PPFIA4: variants seen among roughly 807,000 people sequenced by gnomAD.
PPFIA4 encodes liprin-alpha-4.
Under a neutral mutation model 145.7 loss-of-function variants are expected in PPFIA4, and 98 were observed. The observed-to-expected ratio is 0.67, with a 90% CI of 0.57 to 0.80. The LOEUF is 0.80. PPFIA4 is among the 30% of genes least tolerant of loss of function. The pLI is 0.00. For missense variants in PPFIA4, 1,457 were observed against 1,632.7 expected (o/e 0.89, Z 1.85); for synonymous variants, 628 against 649.6 (o/e 0.97, Z 0.51).
chr1:203,051,732 C>G (rs1397607751), intron 13 of PPFIA4, 37 bp from the exon 14 acceptor site: 1 of 1,579,006 alleles, frequency 6.3e-7, no homozygotes, highest in East Asian at 2.3e-5. Context: ...TCTCAGTCCT[C>G]AGGGCCTGTC....
At chr1:203,034,104 A>G (rs745900358) in intron 1 of PPFIA4, among the ~76,000 whole-genome samples, 15 of 152,220 alleles carry the variant, frequency 9.9e-5, no homozygotes, top group Non-Finnish European at 1.5e-4. Flanking sequence ...AGGTATAACT[A>G]GAGGGCAATG....
At chr1:203,059,358 A>G in intron 20 of PPFIA4, 87 bp downstream of exon 20, 1 of 1,169,578 alleles carries the variant, frequency 8.6e-7, no homozygotes. Context: ...AACTGAGCTC[A>G]GAGACCCAGA....
chr1:203,076,080 A>C, intron 29 of PPFIA4: 1 of 591,406 alleles, frequency 1.7e-6, no homozygotes, highest in Non-Finnish European at 3.0e-6. Flanking sequence ...GCTCGGGGTA[A>C]GTGGGCCAGG....
intron 1 of PPFIA4, chr1:203,034,766 A>G (rs756520284): frequency 3.5e-5 from 16 of 454,152 alleles, no homozygotes; most frequent in Non-Finnish European, 2.2e-5. Context: ...TCCGGCTGCC[A>G]TCACCCTGAT....
At chr1:203,061,797 G>A (rs1448172801) in intron 24 of PPFIA4, 119 bp downstream of exon 24, 9 of 1,082,062 alleles carry the variant, frequency 8.3e-6, no homozygotes, top group East Asian at 3.0e-5. Flanking sequence ...CTGGACATAG[G>A]TTCTCTGCTC....
chr1:203,071,323 C>T (rs546029261), intron 27 of PPFIA4, among the ~76,000 whole-genome samples: 1 of 151,416 alleles, frequency 6.6e-6, no homozygotes, highest in Non-Finnish European at 1.5e-5. Context: ...GCGCCTGCCA[C>T]ACCATGCCTG....
chr1:203,052,045 G>GCCCC (rs3215063), intron 14 of PPFIA4, among the ~76,000 whole-genome samples, 168 bp downstream of exon 14: 3,719 of 102,484 alleles, frequency 0.036, 446 homozygotes, highest in South Asian at 0.054. Context: ...CAACAGCTGT[G>GCCCC]CCCCCCCCCC....
In PPFIA4 at chr1:203,048,833, G is replaced by A; in HGVS notation, c.1357-85G>A. On this transcript the variant is annotated intron_variant, in intron 11 of 29. Coordinates refer to ENST00000295706, the MANE Select transcript of PPFIA4 (RefSeq NM_001304331.2). The surrounding 1 kb of genome is among the most constrained non-coding windows in gnomAD (Gnocchi z 5.8). ...TGGGGTGGGTGGCCAGCCTGGAGAG[G>A]TGGGGCTGAGACTGCACACCCAGAG... 6.5e-7 allele frequency: 1 copy of A among 1,532,524 alleles called. No individual in the cohort carries two copies. Among genetic ancestry groups the A allele is most frequent in the East Asian group, 2.4e-5 (1 of 40,888 alleles). The allele number at this position is 1,532,524 out of a possible 1,614,324, so 94.9% of individuals were successfully genotyped here.
chr1:203,067,585 G>T (rs938793491), intron 25 of PPFIA4, 110 bp from the exon 26 acceptor site: 2 of 897,494 alleles, frequency 2.2e-6, no homozygotes, highest in Non-Finnish European at 3.6e-6. Flanking sequence ...GGTGCTCTTT[G>T]TGCTGGAGGC....
chr1:203,048,546 G>T lies in PPFIA4; in HGVS notation c.1225-37G>T. On this transcript the variant is annotated intron_variant, in intron 10 of 29. Coordinates refer to ENST00000295706, the MANE Select transcript of PPFIA4 (RefSeq NM_001304331.2). This position sits in a 1 kb window ranked among gnomAD's most constrained non-coding sequence, Gnocchi z 5.8. ...CCAGCAGGAGAGGGTGGTCCTCCCT[G>T]GGAGGGCGGCCTGGTGCGAGGCAGA... 1 of 1,557,734 alleles carries T rather than the reference G, an allele frequency of 6.4e-7. No homozygotes were observed. Among genetic ancestry groups the T allele is most frequent in the South Asian group, 1.2e-5 (1 of 84,500 alleles).
rs1259038432 is a variant in PPFIA4 at position 203,067,767 on chromosome 1, A to C, written c.3123A>C (p.Arg1041=). The C allele has an allele frequency of 6.2e-7, 1 of 1,613,714 alleles. No individual in the cohort carries two copies. Among genetic ancestry groups the C allele is most frequent in the Admixed American group, 1.7e-5 (1 of 60,016 alleles). Reference sequence around the variant, plus strand: ...ACCGGAAGGAGCTGGAGAAGAGGCGAGAGGAGAGCCAGCATGAGATCAAGG... The same window carrying C: ...ACCGGAAGGAGCTGGAGAAGAGGCGCGAGGAGAGCCAGCATGAGATCAAGG... ...NYDRKELEKR[R]EESQHEIKDV... The change falls in exon 26 of 30, where the codon CGA becomes CGC. Residue 1041 remains arginine (R), a synonymous_variant. Coordinates refer to ENST00000295706, the MANE Select transcript of PPFIA4 (RefSeq NM_001304331.2).
chr1:203,075,909 G>A lies in PPFIA4; in HGVS notation c.3574+152G>A. On this transcript the variant is annotated intron_variant, in intron 29 of 29. Transcript: ENST00000295706. This position sits in a 1 kb window ranked among gnomAD's most constrained non-coding sequence, Gnocchi z 4.1. The stretch of plus-strand genomic sequence containing the variant: ...GCTGCACTAACGCTCCGCGGGGAGC[G>A]TGTGTGCGCACTAACCCGCCGCTCT... 1 of 824,744 alleles carries A rather than the reference G, an allele frequency of 1.2e-6. No individual in the cohort carries two copies. The highest frequency in any genetic ancestry group is 1.7e-6 in the Non-Finnish European group (1 of 584,688). 51.1% of individuals were successfully genotyped at this position (824,744 alleles called of 1,614,324 possible). A position where few individuals can be genotyped will look rare whatever the true frequency, so the allele number is the denominator to read the frequency against.
intron 1 of PPFIA4, among the ~76,000 whole-genome samples, chr1:203,031,945 CAGTT>C (rs1327620748): frequency 3.3e-5 from 5 of 151,890 alleles, no homozygotes; most frequent in East Asian, 1.9e-4. Context: ...CTCTATTAGA[CAGTT>C]AGAGTGTGGA....
intron 2 of PPFIA4, 40 bp downstream of exon 2, chr1:203,039,282 C>T (rs1659533448): frequency 3.4e-6 from 5 of 1,453,336 alleles, no homozygotes; most frequent in Non-Finnish European, 4.6e-6. Flanking sequence ...ACCCCTTTCC[C>T]TCCTCTAGCC....
intron 15 of PPFIA4, 150 bp downstream of exon 15, chr1:203,054,111 T>A (rs866704974): frequency 1.1e-6 from 1 of 877,436 alleles, no homozygotes; most frequent in South Asian, 1.4e-5. Flanking sequence ...TCAGGCCCGC[T>A]GCCAGTGCCG....
intron 1 of PPFIA4, chr1:203,034,742 G>A (rs782800): frequency 0.56 from 254,896 of 455,828 alleles, 72,694 homozygotes; most frequent in Non-Finnish European, 0.6. Context: ...AGGGAAGGCC[G>A]AGGGGAGCTG....
chr1:203,053,261 G>C (rs1262587579), intron 14 of PPFIA4, among the ~76,000 whole-genome samples: 3 of 152,142 alleles, frequency 2.0e-5, no homozygotes, highest in East Asian at 1.9e-4. Context: ...AGCCGGGCAC[G>C]GTGGCTCACG....
rs1262790653 is a variant in PPFIA4 at position 203,045,934 on chromosome 1, C to T, written c.952C>T (p.Leu318Phe). 4 of 1,612,824 alleles carry T rather than the reference C, an allele frequency of 2.5e-6. No homozygotes were observed. The highest frequency in any genetic ancestry group is 1.1e-5 in the South Asian group (1 of 91,078). ...AQREATSIHD[L>F]NDKLENELAN... ...GCGTGAGGCAACATCCATCCATGAC[C>T]TCAATGACAAGCTGGAGAATGAGCT... Residue 318 changes from leucine (L) to phenylalanine (F), a missense_variant, in exon 8 of 30, where the codon CTC becomes TTC. Leu to Phe is a conservative substitution (Grantham distance 22). This residue lies in a region of PPFIA4 where 463 missense variants were observed against 459.8 expected (regional missense o/e 1.01). Transcript: ENST00000295706.
At position 203,044,179 on chromosome 1, in the gene PPFIA4, C is replaced by T. The variant is rs752190782; in HGVS notation, c.501+84C>T. Reference sequence around the variant, plus strand: ...ATCCCTTCTCTGAGATTTCCACATCCGGTATTTAGGGAGCACTGGCTCCCT... The same window carrying T: ...ATCCCTTCTCTGAGATTTCCACATCTGGTATTTAGGGAGCACTGGCTCCCT... On this transcript the variant is annotated intron_variant, in intron 4 of 29. Transcript: ENST00000295706. 4.3e-5 allele frequency: 61 copies of T among 1,427,952 alleles called. No individual in the cohort carries two copies. In the African/African-American group the frequency reaches 5.1e-4, roughly 12 times the overall value. The allele number at this position is 1,427,952 out of a possible 1,614,324, so 88.5% of individuals were successfully genotyped here.
Sources: allele counts gnomAD v4.1 joint callset (sites outside exome capture counted in the v4.1 genomes callset), GRCh38; gene constraint gnomAD v4.1.1; regional missense constraint gnomAD v4.1.1; non-coding constraint Gnocchi (gnomAD v3.1); transcripts MANE v1.5; gene names NCBI Gene and HGNC (gene_info 2026-07-23, HGNC 2026-07-21).